The following EFCC1 variants were observed in gnomAD, a reference collection of about 807,000 sequenced individuals.
EFCC1 encodes the protein EF-hand and coiled-coil domain containing 1, also known as EF-hand and coiled-coil domain-containing protein 1.
In EFCC1, 50 loss-of-function variants were observed where a neutral mutation model predicts 52.1. The ratio of observed to expected loss-of-function variants is 0.96; its 90% CI spans 0.76 to 1.21. EFCC1 has a LOEUF of 1.21. Ranked by LOEUF, EFCC1 falls within the 50% of genes most tolerant of loss-of-function variation. EFCC1 has a pLI of 0.00. For synonymous variants in EFCC1, 399 were observed against 396.5 expected, an observed-to-expected ratio of 1.01 and a Z score of -0.08; for missense variants, 837 against 867.3, an observed-to-expected ratio of 0.97 and a Z score of 0.44.
At chr3:129,026,230 G>A (rs1241946110) in intron 2 of EFCC1, among the ~76,000 whole-genome samples, 1 of 152,228 alleles carries the variant, frequency 6.6e-6, no homozygotes, top group Non-Finnish European at 1.5e-5. Flanking sequence ...GCAAGTGCTA[G>A]GAGGTGGAGT....
intron 2 of EFCC1, among the ~76,000 whole-genome samples, chr3:129,006,369 T>C (rs2341297): frequency 5.3e-5 from 8 of 152,318 alleles, no homozygotes; most frequent in African/African-American, 1.9e-4. Flanking sequence ...CAGGCTGGAG[T>C]GCAATGGTGC....
At chr3:129,025,999 ACCTCTCCCGCGGTGCGGCTCCAG>A (rs1450885489) in intron 2 of EFCC1, among the ~76,000 whole-genome samples, 1 of 151,976 alleles carries the variant, frequency 6.6e-6, no homozygotes, top group East Asian at 1.9e-4. Context: ...TGCAGACCCC[ACCTCTCCCGCGGTGCGGCTCCAG>A]CAGCTTCCTC....
At chr3:129,018,878 A>G (rs1039087140) in intron 2 of EFCC1, among the ~76,000 whole-genome samples, 1 of 152,096 alleles carries the variant, frequency 6.6e-6, no homozygotes, top group African/African-American at 2.4e-5. Flanking sequence ...TCGGCGCTGG[A>G]GTTCCCACCC....
At position 129,003,790 on chromosome 3, in the gene EFCC1, G is replaced by C. The variant is rs919866948; in HGVS notation, c.697-4G>C. 2.1e-6 allele frequency: 3 copies of C among 1,443,728 alleles called. No individual in the cohort carries two copies. In the African/African-American group the frequency reaches 4.5e-5, roughly 22 times the overall value. 89.4% of individuals were successfully genotyped at this position (1,443,728 alleles called of 1,614,324 possible). A position where few individuals can be genotyped will look rare whatever the true frequency, so the allele number is the denominator to read the frequency against. On this transcript the variant is annotated splice_polypyrimidine_tract_variant and splice_region_variant and intron_variant, in intron 1 of 7. Coordinates refer to ENST00000683648, the MANE Select transcript of EFCC1 (RefSeq NM_001377500.1). ...CCCCTGCCCCTGCTGCCCTGTCCCC[G>C]CAGGTCGGACTCTGGAAGAGCCAGG...
chr3:129,004,047 G>C lies in EFCC1; in HGVS notation c.950G>C (p.Arg317Pro), dbSNP rs776280730. ...QQVPGLQRWV[R>P]RLEAELQRYR... Reference sequence around the variant, plus strand: ...GTGCCCGGCTTGCAGCGCTGGGTGCGGCGGCTGGAGGCGGAGCTGCAACGC... The same window carrying C: ...GTGCCCGGCTTGCAGCGCTGGGTGCCGCGGCTGGAGGCGGAGCTGCAACGC... Residue 317 changes from arginine to proline, a missense_variant, in exon 2 of 8, where the codon CGG becomes CCG. Transcript: ENST00000683648. 1 of 1,510,612 alleles carries C rather than the reference G, an allele frequency of 6.6e-7. No homozygotes were observed. Among genetic ancestry groups the C allele is most frequent in the South Asian group, 1.2e-5 (1 of 82,840 alleles). The allele number at this position is 1,510,612 out of a possible 1,614,324, so 93.6% of individuals were successfully genotyped here.
intron 2 of EFCC1, among the ~76,000 whole-genome samples, chr3:129,004,787 ATGAGGAAACAGG>A (rs1944995828): frequency 6.6e-6 from 1 of 152,036 alleles, no homozygotes. Context: ...CACTCTGTAG[ATGAGGAAACAGG>A]TGTGTAATGA....
Position 129,001,653 on chromosome 3 carries a change from G to A in EFCC1, c.25G>A (p.Glu9Lys), listed in dbSNP as rs2107843477. The A allele has an allele frequency of 7.2e-7, 1 of 1,394,714 alleles. No individual in the cohort carries two copies. Among genetic ancestry groups the A allele is most frequent in the East Asian group, 2.9e-5 (1 of 34,020 alleles). 86.4% of individuals were successfully genotyped at this position (1,394,714 alleles called of 1,614,324 possible). The change falls in exon 1 of 8, where the codon GAG becomes AAG. Residue 9 changes from glutamate to lysine, a missense_variant. Coordinates refer to ENST00000683648, the MANE Select transcript of EFCC1 (RefSeq NM_001377500.1). MEPVSTGA[E>K]AGMEGAGGDP... ...GATGGAGCCGGTCAGCACGGGCGCG[G>A]AGGCCGGCATGGAGGGCGCGGGAGG...
rs371214513 is a variant in EFCC1 at position 129,037,084 on chromosome 3, C to T, written c.1560C>T (p.Asp520=). 17 of 1,611,544 alleles carry T rather than the reference C, an allele frequency of 1.1e-5. No homozygotes were observed. In the African/African-American group the frequency reaches 1.6e-4, roughly 15 times the overall value. The stretch of plus-strand genomic sequence containing the variant: ...CCCTGCTGGAGGAGAAGCTGGTGGA[C>T]GTGCTGCAGCTCCTGCAGAGGCTCC... The part of the protein sequence containing the change: ...RLSLLEEKLV[D]VLQLLQRLRD... Residue 520 remains aspartate (D), a synonymous_variant, in exon 6 of 8, where the codon GAC becomes GAT. Transcript: ENST00000683648.
chr3:129,012,109 C>T (rs149355512), intron 2 of EFCC1, among the ~76,000 whole-genome samples: 2 of 152,346 alleles, frequency 1.3e-5, no homozygotes, highest in East Asian at 3.9e-4. Flanking sequence ...CACCCTTGGC[C>T]ATGACCTGCC....
chr3:129,018,720 G>A (rs769348966), intron 2 of EFCC1, among the ~76,000 whole-genome samples: 1 of 152,176 alleles, frequency 6.6e-6, no homozygotes, highest in East Asian at 1.9e-4. Context: ...GTTCCCACAC[G>A]CCTTCCTGCC....
At chr3:129,024,920 G>C (rs1365422467) in intron 2 of EFCC1, among the ~76,000 whole-genome samples, 2 of 152,204 alleles carry the variant, frequency 1.3e-5, no homozygotes, top group African/African-American at 4.8e-5. Flanking sequence ...GAAGAACCAG[G>C]AGGATTTTCT....
intron 2 of EFCC1, among the ~76,000 whole-genome samples, chr3:129,004,791 G>A (rs961224285): frequency 2.0e-5 from 3 of 152,262 alleles, no homozygotes; most frequent in Admixed American, 6.5e-5. Context: ...CTGTAGATGA[G>A]GAAACAGGTG....
At chr3:129,006,033 A>G (rs79251652) in intron 2 of EFCC1, among the ~76,000 whole-genome samples, 1,652 of 152,376 alleles carry the variant, frequency 0.011, 24 homozygotes, top group African/African-American at 0.038. Context: ...TTCATAGCCA[A>G]TGCACCATTT....
intron 2 of EFCC1, among the ~76,000 whole-genome samples, chr3:129,007,857 T>C (rs753694526): frequency 5.3e-5 from 8 of 152,254 alleles, no homozygotes; most frequent in Non-Finnish European, 1.2e-4. Flanking sequence ...GTGTTGTAGG[T>C]TCTGTCTAAT....
intron 2 of EFCC1, among the ~76,000 whole-genome samples, chr3:129,007,446 T>C (rs1945122873): frequency 6.6e-6 from 1 of 152,208 alleles, no homozygotes. Flanking sequence ...GATGTGTCTT[T>C]GGGGAGAAAA....
Position 129,008,080 on chromosome 3 carries a change from C to A in EFCC1, c.980+4003C>A, listed in dbSNP as rs140680551. On this transcript the variant is annotated intron_variant, in intron 2 of 7. Transcript: ENST00000683648. ...ACTGGCTGTAGAGTTCCCTTCAGAG[C>A]AGTTTTCCATCTGCCTCCACCAGGC... Among the ~76,000 whole-genome samples, 391 of 152,354 alleles carry A rather than the reference C, an allele frequency of 2.6e-3. 12 individuals carry two copies. Among genetic ancestry groups the A allele is most frequent in the Admixed American group, 0.023 (345 of 15,304 alleles).
At chr3:129,018,389 G>T (rs1436147736) in intron 2 of EFCC1, among the ~76,000 whole-genome samples, 5 of 152,142 alleles carry the variant, frequency 3.3e-5, no homozygotes, top group African/African-American at 9.7e-5. Context: ...CTAAAAAAGG[G>T]ATATTTCATG....
At chr3:129,020,379 G>A (rs553716564) in intron 2 of EFCC1, among the ~76,000 whole-genome samples, 15 of 152,278 alleles carry the variant, frequency 9.9e-5, no homozygotes, top group African/African-American at 3.1e-4. Flanking sequence ...GCCCACACCT[G>A]TAATCCCAGC....
chr3:129,002,604 G>A, intron 1 of EFCC1: 1 of 511,012 alleles, frequency 2.0e-6, no homozygotes, highest in Non-Finnish European at 3.2e-6. Flanking sequence ...CCACATCATC[G>A]CGTCTTGCCC....
Sources: allele counts gnomAD v4.1 joint callset (sites outside exome capture counted in the v4.1 genomes callset), GRCh38; gene constraint gnomAD v4.1.1; transcripts MANE v1.5; gene names NCBI Gene and HGNC (gene_info 2026-07-23, HGNC 2026-07-21).